Variants in FBXO43 observed in about 807,000 individuals in gnomAD.
FBXO43 encodes the protein F-box only protein 43.
Under a neutral mutation model 56.7 loss-of-function variants are expected in FBXO43, and 22 were observed. The ratio of observed to expected loss-of-function variants is 0.39; its 90% CI spans 0.28 to 0.55. The LOEUF is 0.55. FBXO43 is among the 20% of genes least tolerant of loss of function. The pLI is 0.66. For synonymous variants in FBXO43, 306 were observed against 294.5 expected (o/e 1.04, Z -0.40); for missense variants, 733 against 814.9 (o/e 0.90, Z 1.22).
In FBXO43 at chr8:100,141,353, T is replaced by A. The variant is rs369530091; in HGVS notation, c.901A>T (p.Thr301Ser). The change falls in exon 2 of 5, where the codon ACT becomes TCT. Residue 301 changes from threonine to serine, a missense_variant. Coordinates refer to ENST00000428847, the MANE Select transcript of FBXO43 (RefSeq NM_001029860.4). ...TTTGCCACAAGATTACTTATCGGAG[T>A]CACAAATATGTCCTCATCTGTTCCA... ...TCGTDEDIFVTPISNLVANIR... is the reference protein window; with the variant it reads ...TCGTDEDIFVSPISNLVANIR... 11 of 1,613,516 alleles carry A rather than the reference T, an allele frequency of 6.8e-6. No individual in the cohort carries two copies. Among genetic ancestry groups the A allele is most frequent in the Non-Finnish European group, 9.3e-6 (11 of 1,180,012 alleles).
Position 100,133,878 on chromosome 8 carries a change from C to T in FBXO43, c.2051G>A (p.Gly684Glu). The T allele has an allele frequency of 3.7e-6, 6 of 1,614,158 alleles. No homozygotes were observed. The highest frequency in any genetic ancestry group is 5.1e-6 in the Non-Finnish European group (6 of 1,180,034). ...TTTTCTATTTCTTGGCTTTGCTGCT[C>T]CTCTACTACATTCTTCAGACCCATG... ...AYHGSEECSR[G>E]AAKPRNRKDA... Residue 684 changes from glycine (G) to glutamate (E), a missense_variant, in exon 5 of 5, where the codon GGA becomes GAA. By Grantham distance (98) the Gly-to-Glu change is moderately conservative. Transcript: ENST00000428847.
intron 2 of FBXO43, among the ~76,000 whole-genome samples, chr8:100,138,875 C>T (rs368025639): frequency 3.3e-5 from 5 of 151,852 alleles, no homozygotes; most frequent in African/African-American, 7.3e-5. Flanking sequence ...CCATCCATAC[C>T]AAAAATATTT....
rs1175013570 is a variant in FBXO43, at chr8:100,135,636, ACT to A, written c.1675-1274_1675-1273del. On this transcript the variant is annotated intron_variant, in intron 3 of 4. Transcript: ENST00000428847. ...TTTTTTTTTTTTGAGACAAAGTTTA[ACT>A]CTGTCATCCAGGCTGGAGTGCAGTG... Among the ~76,000 whole-genome samples the A allele has an allele frequency of 8.5e-5, 13 of 152,144 alleles. No homozygotes were observed. The East Asian group carries it at 1.4e-3, about 16-fold the overall frequency.
chr8:100,140,804 CT>C lies in FBXO43; in HGVS notation c.1449del (p.Gly484AspfsTer2). 1 of 1,614,208 alleles carries C rather than the reference CT, an allele frequency of 6.2e-7. No homozygotes were observed. The highest frequency in any genetic ancestry group is 1.7e-5 in the Admixed American group (1 of 60,026). On this transcript the variant is annotated frameshift_variant, in exon 2 of 5. Transcript: ENST00000428847. LOFTEE classifies it high-confidence loss of function. ...EKIAVLQCIL[A>X]GLIGKKMGIE... ...ATACCCATTTTCTTGCCGATCAGTC[CT>C]GCAAGTATACACTGCAGTACAGCTA...
intron 1 of FBXO43, 21 bp downstream of exon 1, chr8:100,145,030 T>C: frequency 5.6e-6 from 9 of 1,601,882 alleles, no homozygotes; most frequent in Non-Finnish European, 7.7e-6. Flanking sequence ...GTTCTTCATT[T>C]GTTAAAGTGG....
In FBXO43 at chr8:100,140,871, A is replaced by C; in HGVS notation, c.1383T>G (p.Asn461Lys). 6.2e-7 allele frequency: 1 copy of C among 1,614,044 alleles called. No individual in the cohort carries two copies. Among genetic ancestry groups the C allele is most frequent in the Non-Finnish European group, 8.5e-7 (1 of 1,180,018 alleles). ...CTTGCTCTAAGAATTCATGTCCACT[A>C]TTTTCCTGTAATCTTTTCCTCTTGC... ...MKSKRKRLQE[N>K]SGHEFLEQGD... The change falls in exon 2 of 5, where the codon AAT becomes AAG. Residue 461 changes from asparagine (N) to lysine (K), a missense_variant. Asn to Lys is a moderately conservative substitution (Grantham distance 94, BLOSUM62 0). Coordinates refer to ENST00000428847, the MANE Select transcript of FBXO43 (RefSeq NM_001029860.4).
upstream of FBXO43, among the ~76,000 whole-genome samples, chr8:100,149,111 A>G (rs1660994103): frequency 6.6e-6 from 1 of 152,190 alleles, no homozygotes; most frequent in Non-Finnish European, 1.5e-5. Flanking sequence ...CTCCCAAGTG[A>G]TCCTAGAACT....
intron 1 of FBXO43, among the ~76,000 whole-genome samples, chr8:100,143,698 C>T (rs1428593120): frequency 2.6e-5 from 4 of 152,096 alleles, no homozygotes; most frequent in African/African-American, 4.8e-5. Flanking sequence ...CTGTTTTCTC[C>T]CTCTCTGAAG....
At chr8:100,137,885 G>A (rs1814522855) in intron 2 of FBXO43, among the ~76,000 whole-genome samples, 1 of 152,112 alleles carries the variant, frequency 6.6e-6, no homozygotes, top group Non-Finnish European at 1.5e-5. Context: ...TATACAGATA[G>A]ATTACTCTTT....
In FBXO43 at chr8:100,140,822, G is replaced by GT. The variant is rs1429750927; in HGVS notation, c.1431dup (p.Leu478ThrfsTer27). ...ATCAGTCCTGCAAGTATACACTGCA[G>GT]TACAGCTATTTTCTCCCCATCCCCT... On this transcript the variant is annotated frameshift_variant, in exon 2 of 5. Coordinates refer to ENST00000428847, the MANE Select transcript of FBXO43 (RefSeq NM_001029860.4). LOFTEE classifies it high-confidence loss of function. The GT allele has an allele frequency of 6.2e-7, 1 of 1,614,204 alleles. No homozygotes were observed. The highest frequency in any genetic ancestry group is 1.7e-5 in the Admixed American group (1 of 60,022).
intron 3 of FBXO43, among the ~76,000 whole-genome samples, chr8:100,136,699 T>A (rs760731043): frequency 5.9e-5 from 9 of 152,228 alleles, no homozygotes; most frequent in Non-Finnish European, 1.2e-4. Context: ...CCTGGCTAAC[T>A]GCTAACTCAT....
upstream of FBXO43, among the ~76,000 whole-genome samples, chr8:100,149,409 A>G (rs1231226027): frequency 6.6e-6 from 1 of 152,220 alleles, no homozygotes; most frequent in East Asian, 1.9e-4. Context: ...TTAGGATAAC[A>G]ATGGTTCCAT....
In FBXO43 at chr8:100,140,673, T is replaced by TA; in HGVS notation, c.1571+9dup. ...GAAGTTTTATTTCATAAACAACTCTTACTTCTTACCTGCATAGGCTCTCTG... is the reference window on the plus strand; with the variant it reads ...GAAGTTTTATTTCATAAACAACTCTTAACTTCTTACCTGCATAGGCTCTCTG... On this transcript the variant is annotated intron_variant, in intron 2 of 4. Coordinates refer to ENST00000428847, the MANE Select transcript of FBXO43 (RefSeq NM_001029860.4). 1.3e-6 allele frequency: 2 copies of TA among 1,546,138 alleles called. No individual in the cohort carries two copies. The highest frequency in any genetic ancestry group is 8.7e-7 in the Non-Finnish European group (1 of 1,152,364).
At chr8:100,144,889 G>A (rs1488669218) in intron 1 of FBXO43, 162 bp downstream of exon 1, 10 of 710,158 alleles carry the variant, frequency 1.4e-5, no homozygotes, top group Admixed American at 1.2e-4. Flanking sequence ...CCGAGATCGC[G>A]CCACTGCACT....
At chr8:100,144,960 G>GAGAAAAAAGAAAAA in intron 1 of FBXO43, 91 bp downstream of exon 1, 1 of 1,351,326 alleles carries the variant, frequency 7.4e-7, no homozygotes, top group Admixed American at 3.2e-5. Flanking sequence ...AAAAGAAAAA[G>GAGAAAAAAGAAAAA]AAAAAAAAGA....
rs1814634664 is a variant in FBXO43, at chr8:100,141,158, G to A, written c.1096C>T (p.Pro366Ser). The change falls in exon 2 of 5, where the codon CCC becomes TCC. Residue 366 changes from proline (P) to serine (S), a missense_variant. Physicochemically the swap from Pro to Ser is moderately conservative, Grantham distance 74 (BLOSUM62 -1). Transcript: ENST00000428847. ...TTTCTTATGGTGTCCCCAACTTTGG[G>A]AGTCCCCTTATGTTTCTGCAGTAGT... ...QELLQKHKGT[P>S]KVGDTIRKTR... 4.3e-6 allele frequency: 7 copies of A among 1,614,126 alleles called. No individual in the cohort carries two copies. The highest frequency in any genetic ancestry group is 2.2e-5 in the East Asian group (1 of 44,872).
In FBXO43 at chr8:100,141,393, A is replaced by G; in HGVS notation, c.861T>C (p.Val287=). ...CATCTGTTCCACAAGTTGTTCCACT[A>G]ACAGAGGAGCCCAGGAGCTCTGGAC... The part of the protein sequence containing the change: ...NACPELLGSS[V]SGTTCGTDED... The change falls in exon 2 of 5, where the codon GTT becomes GTC. Residue 287 remains valine (V), a synonymous_variant. Transcript: ENST00000428847. 6.2e-7 allele frequency: 1 copy of G among 1,613,530 alleles called. No individual in the cohort carries two copies. The highest frequency in any genetic ancestry group is 8.5e-7 in the Non-Finnish European group (1 of 1,180,002).
Position 100,141,995 on chromosome 8 carries a change from C to G in FBXO43, c.259G>C (p.Asp87His). 6.2e-7 allele frequency: 1 copy of G among 1,611,744 alleles called. No individual in the cohort carries two copies. The highest frequency in any genetic ancestry group is 8.5e-7 in the Non-Finnish European group (1 of 1,179,394). ...CCAAGATATTCTTTATCTATATTAT[C>G]AAAGCTACAAGATTTTAACTCATTG... ...GYNELKSCSF[D>H]NIDKEYLGKK... is the part of the protein sequence containing the mutation. Residue 87 changes from aspartate (D) to histidine (H), a missense_variant, in exon 2 of 5, where the codon GAT (aspartate) becomes CAT (histidine). Physicochemically the swap from Asp to His is moderately conservative, Grantham distance 81. Coordinates refer to ENST00000428847, the MANE Select transcript of FBXO43 (RefSeq NM_001029860.4).
chr8:100,150,346 C>A (rs1364842557), upstream of FBXO43, among the ~76,000 whole-genome samples: 1 of 152,240 alleles, frequency 6.6e-6, no homozygotes, highest in African/African-American at 2.4e-5. Flanking sequence ...ACTGTCATCT[C>A]GGTTTTTCTT....
Sources: gnomAD v4.1 joint callset for allele counts (sites outside exome capture counted in the v4.1 genomes callset) on GRCh38, gnomAD v4.1.1 for gene constraint, MANE v1.5 for transcripts, NCBI Gene and HGNC (gene_info 2026-07-23, HGNC 2026-07-21) for gene names.